Variants in GATA3 observed in about 807,000 individuals in gnomAD.
The protein encoded by GATA3 is trans-acting T-cell-specific transcription factor GATA-3.
Under a neutral mutation model 36.0 loss-of-function variants are expected in GATA3, and 6 were observed. That is an observed-to-expected ratio of 0.17 (90% CI 0.09 to 0.33). The LOEUF (loss-of-function observed/expected upper bound fraction) is 0.33. GATA3 is among the 10% of genes least tolerant of loss of function. GATA3 has a pLI of 1.00. For missense variants in GATA3, 514 were observed against 610.1 expected, an observed-to-expected ratio of 0.84 and a Z score of 1.66; for synonymous variants, 326 against 273.0, an observed-to-expected ratio of 1.19 and a Z score of -1.92.
intron 2 of GATA3, among the ~76,000 whole-genome samples, chr10:8,058,069 A>T (rs750336939): frequency 1.3e-5 from 2 of 152,142 alleles, no homozygotes; most frequent in African/African-American, 2.4e-5. Context: ...ATTCTGCTAC[A>T]TTTGATGGGA....
At position 8,074,665 on chromosome 10, in the gene GATA3, C is replaced by A. The variant is rs1832986733; in HGVS notation, c.*642C>A. ...GGGTTTCAGAGAGCCTTTTTCTAGG[C>A]CTACATGCTTTGTGAACAAGTCCCT... On this transcript the variant is annotated 3_prime_UTR_variant, in exon 6 of 6. Transcript: ENST00000379328. 2 of 233,736 alleles carry A rather than the reference C, an allele frequency of 8.6e-6. No homozygotes were observed. The highest frequency in any genetic ancestry group is 1.2e-4 in the East Asian group (2 of 16,576). The allele number at this position is 233,736 out of a possible 1,614,324, so 14.5% of individuals were successfully genotyped here.
intron 1 of GATA3, among the ~76,000 whole-genome samples, chr10:8,046,716 G>C (rs1479139569): frequency 1.3e-5 from 2 of 150,766 alleles, no homozygotes; most frequent in Admixed American, 6.6e-5. Flanking sequence ...TGACATGTTT[G>C]TGCCATTCAG....
intron 3 of GATA3, among the ~76,000 whole-genome samples, chr10:8,062,863 C>A (rs1336960035): frequency 6.6e-6 from 1 of 152,150 alleles, no homozygotes; most frequent in African/African-American, 2.4e-5. Context: ...ACCCGTGTGT[C>A]CCTGGGTCCC....
At chr10:8,056,111 C>T (rs1048748524) in intron 2 of GATA3, among the ~76,000 whole-genome samples, 2 of 152,192 alleles carry the variant, frequency 1.3e-5, no homozygotes, top group African/African-American at 4.8e-5. Flanking sequence ...GCAGGCGCCT[C>T]TCCCGGCTGG....
At chr10:8,046,359 G>T (rs1473531145) in intron 1 of GATA3, among the ~76,000 whole-genome samples, 2 of 152,184 alleles carry the variant, frequency 1.3e-5, no homozygotes, top group Non-Finnish European at 2.9e-5. Flanking sequence ...GGTGATTCTG[G>T]CAAGGGCAGG....
chr10:8,051,835 T>C (rs1588369570), upstream of GATA3, among the ~76,000 whole-genome samples: 2 of 149,030 alleles, frequency 1.3e-5, no homozygotes, highest in East Asian at 2.0e-4. Context: ...GCGCCTGGCC[T>C]GGCCCGGACC....
intron 5 of GATA3, among the ~76,000 whole-genome samples, chr10:8,070,610 C>A (rs1462532308): frequency 6.6e-6 from 1 of 152,038 alleles, no homozygotes; most frequent in African/African-American, 2.4e-5. Flanking sequence ...TTGCTTGCGG[C>A]GGTTCTGGCA....
Position 8,073,977 on chromosome 10 carries a change from C to G in GATA3, c.1289C>G (p.Ser430Cys), listed in dbSNP as rs2131522775. The part of the protein sequence containing the change: ...PTPMHPPSSL[S>C]FGPHHPSSMV... The stretch of plus-strand genomic sequence containing the variant: ...CCGATGCACCCGCCATCCAGCCTGT[C>G]CTTTGGACCACACCACCCCTCCAGC... The change falls in exon 6 of 6, where the codon TCC becomes TGC. Residue 430 changes from serine to cysteine, a missense_variant. Ser to Cys is a moderately radical substitution (Grantham distance 112, BLOSUM62 -1). This residue lies in a region of GATA3 where 89 missense variants were observed against 104.2 expected (regional missense o/e 0.85). Coordinates refer to ENST00000379328, the MANE Select transcript of GATA3 (RefSeq NM_001002295.2). The G allele has an allele frequency of 1.2e-6, 2 of 1,614,178 alleles. No homozygotes were observed. Among genetic ancestry groups the G allele is most frequent in the Non-Finnish European group, 1.7e-6 (2 of 1,180,022 alleles).
At chr10:8,052,208 CT>C (rs538963922), upstream of GATA3, 141 of 152,358 alleles carry the variant, frequency 9.3e-4, 2 homozygotes, top group Middle Eastern at 0.014. Flanking sequence ...CCCCCCACCC[CT>C]CTCTGCCAGC....
chr10:8,050,494 T>C (rs1832456382), upstream of GATA3: 1 of 153,988 alleles, frequency 6.5e-6, no homozygotes, highest in Non-Finnish European at 1.4e-5. Context: ...CCCAGCAAGA[T>C]TGATCGAGCT....
upstream of GATA3, among the ~76,000 whole-genome samples, chr10:8,049,378 G>T (rs1326611035): frequency 1.3e-5 from 2 of 152,244 alleles, no homozygotes; most frequent in Non-Finnish European, 2.9e-5. Flanking sequence ...CAGCCTTGCT[G>T]GGCCGGGATC....
chr10:8,064,275 T>A, intron 4 of GATA3, 137 bp downstream of exon 4: 1 of 909,662 alleles, frequency 1.1e-6, no homozygotes, highest in Non-Finnish European at 1.6e-6. Context: ...ACAGTTTTTT[T>A]TTTTTTCCTT....
chr10:8,051,029 G>A (rs1371503890), upstream of GATA3: 1 of 522,268 alleles, frequency 1.9e-6, no homozygotes, highest in Non-Finnish European at 3.9e-6. Context: ...CCGCGCCCTG[G>A]GTCTGTAGCC....
At chr10:8,071,570 C>T (rs1399977247) in intron 5 of GATA3, among the ~76,000 whole-genome samples, 2 of 152,172 alleles carry the variant, frequency 1.3e-5, no homozygotes, top group African/African-American at 4.8e-5. Flanking sequence ...TCACTTCTAC[C>T]TCCTCAATCT....
upstream of GATA3, among the ~76,000 whole-genome samples, chr10:8,049,951 C>T (rs567517544): frequency 2.6e-5 from 4 of 152,298 alleles, no homozygotes; most frequent in South Asian, 4.1e-4. Flanking sequence ...ACCTCCGCGG[C>T]GGCCACAGCT....
At chr10:8,046,042 C>T (rs1217873366) in intron 1 of GATA3, among the ~76,000 whole-genome samples, 1 of 152,210 alleles carries the variant, frequency 6.6e-6, no homozygotes, top group African/African-American at 2.4e-5. Context: ...GGCATACCCC[C>T]GGGAAGCTAG....
chr10:8,057,891 C>T (rs1832667363), intron 2 of GATA3, among the ~76,000 whole-genome samples: 2 of 152,082 alleles, frequency 1.3e-5, no homozygotes, highest in African/African-American at 2.4e-5. Context: ...GGATTAAGTC[C>T]GAGTCAGGGA....
chr10:8,062,540 TG>T (rs1034515794), intron 3 of GATA3, among the ~76,000 whole-genome samples: 2 of 152,124 alleles, frequency 1.3e-5, no homozygotes, highest in Non-Finnish European at 2.9e-5. Context: ...CTACTTGATC[TG>T]GGGCTTTCCA....
chr10:8,065,700 GTTTTTTTT>G (rs748515966), intron 4 of GATA3, among the ~76,000 whole-genome samples: 2 of 62,284 alleles, frequency 3.2e-5, no homozygotes, highest in African/African-American at 6.6e-5. Context: ...CAGCAGTTTG[GTTTTTTTT>G]TTTTTTTTTT....
Sources: gnomAD v4.1 joint callset for allele counts (sites outside exome capture counted in the v4.1 genomes callset) on GRCh38, gnomAD v4.1.1 for gene constraint, gnomAD v4.1.1 regional missense constraint, MANE v1.5 for transcripts, NCBI Gene and HGNC (gene_info 2026-07-23, HGNC 2026-07-21) for gene names.